Variants in GSE1 observed in about 807,000 individuals in gnomAD.
GSE1 encodes the protein genetic suppressor element 1.
GSE1 carries 32 observed loss-of-function variants against 112.6 expected under a neutral mutation model. The ratio of observed to expected loss-of-function variants is 0.28; its 90% CI spans 0.21 to 0.38. GSE1 has a LOEUF of 0.38. GSE1 is among the 10% of genes least tolerant of loss of function. GSE1 has a pLI of 1.00. For missense variants in GSE1, 2,348 were observed against 1,699.2 expected (o/e 1.38, Z -6.71); for synonymous variants, 1,115 against 735.6 (o/e 1.52, Z -8.35).
At chr16:85,432,009 G>A (rs1167043705) in intron 2 of GSE1, among the ~76,000 whole-genome samples, 2 of 152,220 alleles carry the variant, frequency 1.3e-5, no homozygotes, top group Non-Finnish European at 2.9e-5. Context: ...CGCCGCCTGG[G>A]CGAGTGCTGG....
chr16:85,620,923 G>A (rs986722003), intron 1 of GSE1, among the ~76,000 whole-genome samples: 1 of 151,882 alleles, frequency 6.6e-6, no homozygotes, highest in Non-Finnish European at 1.5e-5. Context: ...TGGGGAAGCC[G>A]TGTAGATGGT....
At chr16:85,178,072 G>A (rs922216757) in intron 1 of GSE1, among the ~76,000 whole-genome samples, 4 of 152,218 alleles carry the variant, frequency 2.6e-5, no homozygotes, top group Admixed American at 2.0e-4. Context: ...GTGCTGGTGG[G>A]CGATGAGAGG....
At chr16:85,523,242 G>A (rs982643252) in intron 2 of GSE1, among the ~76,000 whole-genome samples, 42 of 146,580 alleles carry the variant, frequency 2.9e-4, no homozygotes, top group Admixed American at 1.6e-3. Context: ...TGTTGTGTGC[G>A]TGTGACTGTG....
intron 1 of GSE1, among the ~76,000 whole-genome samples, chr16:85,238,553 G>C (rs927162749): frequency 6.6e-6 from 1 of 152,156 alleles, no homozygotes; most frequent in Non-Finnish European, 1.5e-5. Flanking sequence ...GCTTGTCTTG[G>C]CTGCCTCTGC....
intron 1 of GSE1, among the ~76,000 whole-genome samples, chr16:85,579,484 G>GGCAGCCTGTGTCT (rs1222242428): frequency 6.6e-6 from 1 of 152,162 alleles, no homozygotes; most frequent in East Asian, 1.9e-4. Flanking sequence ...CCTGGCGCTG[G>GGCAGCCTGTGTCT]GCAGCCTGTG....
intron 1 of GSE1, among the ~76,000 whole-genome samples, chr16:85,242,250 C>T (rs1288736782): frequency 6.6e-6 from 1 of 152,218 alleles, no homozygotes; most frequent in African/African-American, 2.4e-5. Flanking sequence ...CTGCTCACCC[C>T]AGCCCCCCTG....
chr16:85,499,189 G>A lies in GSE1; in HGVS notation c.2465-134725G>A, dbSNP rs544815905. On this transcript the variant is annotated intron_variant, in intron 2 of 2. Coordinates refer to the GSE1 transcript ENST00000637419. ...CCTGGGAGTGGCTTCTGAGGCCAAGGCCTGGGCACAGTGAAGCTCATAGGA... is the reference window on the plus strand; with the variant it reads ...CCTGGGAGTGGCTTCTGAGGCCAAGACCTGGGCACAGTGAAGCTCATAGGA... 4.6e-5 allele frequency among the ~76,000 whole-genome samples: 7 copies of A among 152,238 alleles called. No individual in the cohort carries two copies. The South Asian group carries it at 1.5e-3, about 32-fold the overall frequency.
chr16:85,602,862 C>T (rs1598343614), intron 1 of GSE1, among the ~76,000 whole-genome samples: 1 of 152,238 alleles, frequency 6.6e-6, no homozygotes, highest in Non-Finnish European at 1.5e-5. Context: ...CCTTGCCCTC[C>T]CCCGCAGGGG....
chr16:85,534,938 T>C (rs561454659), intron 2 of GSE1, among the ~76,000 whole-genome samples: 1 of 152,178 alleles, frequency 6.6e-6, no homozygotes, highest in Non-Finnish European at 1.5e-5. Context: ...TGGGGCTGTG[T>C]GAATGAGGAA....
At chr16:85,561,203 A>T (rs2045502158) in intron 1 of GSE1, among the ~76,000 whole-genome samples, 1 of 151,960 alleles carries the variant, frequency 6.6e-6, no homozygotes, top group Non-Finnish European at 1.5e-5. Flanking sequence ...CACGCCAGAC[A>T]CGGTGCTTCC....
chr16:85,202,577 AC>A (rs950280498), intron 1 of GSE1, among the ~76,000 whole-genome samples: 2 of 151,984 alleles, frequency 1.3e-5, no homozygotes, highest in African/African-American at 4.8e-5. Context: ...CCGAGGCAGA[AC>A]CCCACCCCAC....
chr16:85,462,435 T>G (rs1224689981), intron 2 of GSE1, among the ~76,000 whole-genome samples: 1 of 151,606 alleles, frequency 6.6e-6, no homozygotes, highest in African/African-American at 2.4e-5. Flanking sequence ...TCCTCCCTGA[T>G]GAAAAATACA....
chr16:85,253,072 C>CA, intron 1 of GSE1, among the ~76,000 whole-genome samples: 1 of 105,238 alleles, frequency 9.5e-6, no homozygotes, highest in Admixed American at 8.5e-5. Flanking sequence ...CCCCCCCACC[C>CA]CCCCCCCCCC....
chr16:85,340,439 A>G (rs2046600205), intron 1 of GSE1, among the ~76,000 whole-genome samples: 1 of 152,174 alleles, frequency 6.6e-6, no homozygotes, highest in East Asian at 1.9e-4. Flanking sequence ...GAGGAGTTCG[A>G]AACCAGCCTG....
At chr16:85,391,562 G>A (rs1012117537) in intron 2 of GSE1, among the ~76,000 whole-genome samples, 9 of 152,170 alleles carry the variant, frequency 5.9e-5, no homozygotes, top group East Asian at 1.9e-4. Context: ...CAGTGTCTGC[G>A]GTCATCACGT....
In GSE1 at chr16:85,654,428, G is replaced by A. The variant is rs1312030608; in HGVS notation, c.577G>A (p.Asp193Asn). ...FGLSPSSVVQ[D>N]SRFPPLNLQR... is the part of the protein sequence containing the mutation. ...CCTCTCCCCCAGCTCAGTTGTGCAG[G>A]ATTCCCGCTTCCCGCCACTCAAGTA... is the stretch of plus-strand genomic sequence containing the variant. The change falls in exon 4 of 16, where the codon GAT (aspartate) becomes AAT (asparagine). Residue 193 changes from aspartate (D) to asparagine (N), a missense_variant. Physicochemically the swap from Asp to Asn is conservative, Grantham distance 23. Coordinates refer to ENST00000253458, the MANE Select transcript of GSE1 (RefSeq NM_014615.5). 6.4e-7 allele frequency: 1 copy of A among 1,569,578 alleles called. No homozygotes were observed. Among genetic ancestry groups the A allele is most frequent in the Non-Finnish European group, 8.6e-7 (1 of 1,156,412 alleles).
intron 1 of GSE1, among the ~76,000 whole-genome samples, chr16:85,209,280 C>G (rs888505396): frequency 1.3e-5 from 2 of 152,090 alleles, no homozygotes; most frequent in Non-Finnish European, 2.9e-5. Context: ...ACTGAGGCAC[C>G]GAGGATTAAG....
intron 1 of GSE1, among the ~76,000 whole-genome samples, chr16:85,278,535 G>T (rs2044762612): frequency 6.6e-6 from 1 of 152,160 alleles, no homozygotes; most frequent in African/African-American, 2.4e-5. Context: ...GTTTACCCCA[G>T]ATTTTTCAGG....
chr16:85,259,021 G>A (rs1907382939), intron 1 of GSE1, among the ~76,000 whole-genome samples: 1 of 152,172 alleles, frequency 6.6e-6, no homozygotes. Context: ...CTGCCAGGCT[G>A]GGGAGAAGTT....
Sources: allele counts gnomAD v4.1 joint callset (sites outside exome capture counted in the v4.1 genomes callset), GRCh38; gene constraint gnomAD v4.1.1; transcripts MANE v1.5; gene names NCBI Gene and HGNC (gene_info 2026-07-23, HGNC 2026-07-21).